GLT1D1: variants seen among roughly 807,000 people sequenced by gnomAD.
GLT1D1 encodes glycosyltransferase 1 domain containing 1, also known as glycosyltransferase 1 domain-containing protein 1.
GLT1D1 carries 21 observed loss-of-function variants against 28.7 expected under a neutral mutation model. The ratio of observed to expected loss-of-function variants is 0.73; its 90% CI spans 0.52 to 1.05. GLT1D1 has a LOEUF of 1.05. GLT1D1 is among the 50% of genes least tolerant of loss of function. GLT1D1 has a pLI of 0.00. For missense variants in GLT1D1, 343 were observed against 330.6 expected, an observed-to-expected ratio of 1.04 and a Z score of -0.29; for synonymous variants, 147 against 124.8, an observed-to-expected ratio of 1.18 and a Z score of -1.19.
At chr12:128,931,605 G>C (rs959788701) in intron 4 of GLT1D1, among the ~76,000 whole-genome samples, 62 of 152,232 alleles carry the variant, frequency 4.1e-4, no homozygotes, top group African/African-American at 1.4e-3. Context: ...ACCGCGCCTG[G>C]CCCCCCTTTT....
chr12:128,863,256 G>C (rs1367991317), intron 1 of GLT1D1, among the ~76,000 whole-genome samples: 5 of 152,212 alleles, frequency 3.3e-5, no homozygotes, highest in Non-Finnish European at 5.9e-5. Context: ...AGCAAGGCGA[G>C]TCTGTCTGGA....
At position 128,960,090 on chromosome 12, in the gene GLT1D1, T is replaced by G. The variant is rs143010826; in HGVS notation, c.639+2447T>G. 4.6e-3 allele frequency among the ~76,000 whole-genome samples: 698 copies of G among 152,304 alleles called. 5 individuals carry two copies. Among genetic ancestry groups the G allele is most frequent in the South Asian group, 0.019 (92 of 4,828 alleles). ...AGGTCATTTCTGCGAGTTACCGGCT[T>G]CCTGTGAGCCATCAGACACGACTCT... is the stretch of plus-strand genomic sequence containing the variant. On this transcript the variant is annotated intron_variant, in intron 7 of 7. Transcript: ENST00000281703.
intron 7 of GLT1D1, among the ~76,000 whole-genome samples, chr12:128,978,643 G>A (rs771521474): frequency 2.6e-5 from 4 of 152,128 alleles, no homozygotes; most frequent in Non-Finnish European, 5.9e-5. Flanking sequence ...CCAAGAGAGG[G>A]TTCTTGGATC....
At chr12:128,929,757 T>C (rs1873668977) in intron 4 of GLT1D1, among the ~76,000 whole-genome samples, 1 of 152,158 alleles carries the variant, frequency 6.6e-6, no homozygotes, top group Non-Finnish European at 1.5e-5. Flanking sequence ...GGTCAGGAGT[T>C]TGACACCAGC....
intron 7 of GLT1D1, among the ~76,000 whole-genome samples, chr12:128,971,966 T>C (rs1879225980): frequency 6.7e-6 from 1 of 148,198 alleles, no homozygotes; most frequent in Admixed American, 6.9e-5. Flanking sequence ...GAATCCATTG[T>C]TTGCACTTTA....
chr12:128,881,407 G>GCCT (rs1038936225), intron 2 of GLT1D1, among the ~76,000 whole-genome samples: 6 of 147,722 alleles, frequency 4.1e-5, no homozygotes, highest in African/African-American at 1.5e-4. Flanking sequence ...GGTGGCGAGT[G>GCCT]CCTGTAATCC....
Position 128,912,663 on chromosome 12 carries a change from C to CT in GLT1D1, c.375+13386dup, listed in dbSNP as rs919087274. On this transcript the variant is annotated intron_variant, in intron 4 of 7. Transcript: ENST00000281703. ...TTAAAAATAATCAGTGAAATGGCTA[C>CT]TTTTTTTTTTCTTTTTTGAGACAAG... is the stretch of plus-strand genomic sequence containing the variant. Among the ~76,000 whole-genome samples the CT allele has an allele frequency of 4.8e-4, 72 of 149,416 alleles. 1 individual carries two copies. Among genetic ancestry groups the CT allele is most frequent in the Admixed American group, 7.3e-4 (11 of 14,968 alleles).
intron 1 of GLT1D1, among the ~76,000 whole-genome samples, chr12:128,855,856 A>T (rs1446822296): frequency 1.4e-5 from 2 of 146,880 alleles, no homozygotes; most frequent in Non-Finnish European, 3.0e-5. Flanking sequence ...GGTTCCAGCG[A>T]TTCTCCTGCC....
intron 1 of GLT1D1, among the ~76,000 whole-genome samples, chr12:128,870,726 A>G (rs1463092564): frequency 6.6e-6 from 1 of 152,196 alleles, no homozygotes; most frequent in Non-Finnish European, 1.5e-5. Flanking sequence ...GCACGGCGGC[A>G]CACGCATGTA....
chr12:128,956,171 A>AAAAAAAAAAAAAAAAAAAAAGAGAG (rs374597920), intron 6 of GLT1D1, among the ~76,000 whole-genome samples: 4 of 63,942 alleles, frequency 6.3e-5, no homozygotes, highest in African/African-American at 9.0e-5. Flanking sequence ...AAAAAAAAAA[A>AAAAAAAAAAAAAAAAAAAAAGAGAG]AGAGAAAGAG....
In GLT1D1 at chr12:128,940,099, G is replaced by GT. The variant is rs1455610371; in HGVS notation, c.376-5226dup. 2.0e-5 allele frequency among the ~76,000 whole-genome samples: 3 copies of GT among 151,756 alleles called. No homozygotes were observed. In the East Asian group the frequency reaches 5.8e-4, roughly 29 times the overall value. On this transcript the variant is annotated intron_variant, in intron 4 of 7. Coordinates refer to ENST00000281703, the MANE Select transcript of GLT1D1 (RefSeq NM_144669.3). ...TATTGTATTGTAGCTCTCAACAGAT[G>GT]TATTTTGTATTGGTGGTGGGATCTG... is the stretch of plus-strand genomic sequence containing the variant.
At chr12:128,892,820 A>G (rs946209901) in intron 3 of GLT1D1, among the ~76,000 whole-genome samples, 9 of 151,966 alleles carry the variant, frequency 5.9e-5, no homozygotes, top group African/African-American at 2.2e-4. Context: ...CCTTAGCTTC[A>G]GCTTTTTGGC....
intron 6 of GLT1D1, among the ~76,000 whole-genome samples, chr12:128,950,253 AG>A (rs1876556969): frequency 6.6e-6 from 1 of 152,210 alleles, no homozygotes; most frequent in Non-Finnish European, 1.5e-5. Context: ...AAAGGTCAAA[AG>A]ATCACTTCCT....
chr12:128,859,056 C>T (rs1246013875), intron 1 of GLT1D1, among the ~76,000 whole-genome samples: 10 of 152,134 alleles, frequency 6.6e-5, no homozygotes, highest in African/African-American at 2.4e-4. Flanking sequence ...CTCATGCCTC[C>T]CTAAAATGTG....
intron 7 of GLT1D1, among the ~76,000 whole-genome samples, chr12:128,958,644 G>T (rs191783556): frequency 1.3e-4 from 18 of 141,758 alleles, no homozygotes; most frequent in Non-Finnish European, 2.3e-4. Flanking sequence ...CAGCTACTCA[G>T]GAGGCCAAGG....
In GLT1D1 at chr12:128,965,504, A is replaced by G. The variant is rs186198509; in HGVS notation, c.639+7861A>G. On this transcript the variant is annotated intron_variant, in intron 7 of 7. Coordinates refer to ENST00000281703, the MANE Select transcript of GLT1D1 (RefSeq NM_144669.3). ...TGTCTGTGCCTGGACTTTGACTTGC[A>G]GAAACCATGAGACAATACATGGATG... 2.2e-3 allele frequency among the ~76,000 whole-genome samples: 340 copies of G among 152,308 alleles called. 2 individuals carry two copies. Among genetic ancestry groups the G allele is most frequent in the African/African-American group, 7.8e-3 (324 of 41,568 alleles).
At chr12:128,908,928 G>A (rs370704916) in intron 4 of GLT1D1, among the ~76,000 whole-genome samples, 16 of 152,086 alleles carry the variant, frequency 1.1e-4, no homozygotes, top group South Asian at 8.3e-4. Context: ...CAGCCTGGGC[G>A]ACAGAGCGAG....
chr12:128,933,274 G>A (rs867507122), intron 4 of GLT1D1, among the ~76,000 whole-genome samples: 2 of 152,276 alleles, frequency 1.3e-5, no homozygotes, highest in Non-Finnish European at 2.9e-5. Context: ...GCGGGTAGAC[G>A]CAGGCGGCGC....
intron 3 of GLT1D1, among the ~76,000 whole-genome samples, chr12:128,889,797 CAG>C (rs1171578181): frequency 2.7e-4 from 41 of 152,218 alleles, no homozygotes; most frequent in Non-Finnish European, 7.3e-5. Flanking sequence ...CTTTTCCTGA[CAG>C]AGTCTCATTC....
Sources: gnomAD v4.1 joint callset for allele counts (sites outside exome capture counted in the v4.1 genomes callset) on GRCh38, gnomAD v4.1.1 for gene constraint, MANE v1.5 for transcripts, NCBI Gene and HGNC (gene_info 2026-07-23, HGNC 2026-07-21) for gene names.